CCDC102B: variants seen among roughly 807,000 people sequenced by gnomAD.
CCDC102B encodes coiled-coil domain-containing protein 102B.
In CCDC102B, 75 loss-of-function variants were observed where a neutral mutation model predicts 57.4. That is an observed-to-expected ratio of 1.31 (90% CI 1.08 to 1.58). The LOEUF (loss-of-function observed/expected upper bound fraction) is 1.58, where lower values mean the gene tolerates loss of function less well. Ranked by LOEUF, CCDC102B falls within the 40% of genes most tolerant of loss-of-function variation. The probability of loss-of-function intolerance (pLI) is 0.00; values close to 1 mark genes in which losing one functional copy is unlikely to be tolerated. For synonymous variants in CCDC102B, 206 were observed against 201.9 expected (o/e 1.02, Z -0.17); for missense variants, 636 against 582.6 (o/e 1.09, Z -0.94).
At chr18:69,003,637 AAAAC>A (rs1322540686) in intron 6 of CCDC102B, among the ~76,000 whole-genome samples, 4 of 152,206 alleles carry the variant, frequency 2.6e-5, no homozygotes, top group Non-Finnish European at 5.9e-5. Flanking sequence ...ATGAGCACAT[AAAAC>A]AGTCTCTTCT....
intron 1 of CCDC102B, among the ~76,000 whole-genome samples, chr18:68,831,642 A>C (rs562436440): frequency 6.6e-6 from 1 of 152,150 alleles, no homozygotes; most frequent in Admixed American, 6.5e-5. Context: ...ATTTGCACCA[A>C]CTAGCAGAGA....
chr18:69,009,651 T>C (rs892084427), intron 6 of CCDC102B, among the ~76,000 whole-genome samples: 2 of 152,038 alleles, frequency 1.3e-5, no homozygotes, highest in African/African-American at 4.8e-5. Flanking sequence ...TTTCCAATAT[T>C]TTATGGCTAT....
At chr18:68,953,642 T>G (rs1046769044) in intron 6 of CCDC102B, among the ~76,000 whole-genome samples, 1 of 152,086 alleles carries the variant, frequency 6.6e-6, no homozygotes, top group Non-Finnish European at 1.5e-5. Flanking sequence ...AGATAAATAA[T>G]TTCTAGATAT....
In CCDC102B at chr18:68,822,272, T is replaced by C. The variant is rs371179445; in HGVS notation, c.-15-14477T>C. ...AGCTGGTCACAGTGGGGCACGCCTG[T>C]AGTCCCAGGTACTCAGGATGCTGAA... On this transcript the variant is annotated intron_variant, in intron 1 of 7. Coordinates refer to ENST00000360242, the MANE Select transcript of CCDC102B (RefSeq NM_024781.3). Among the ~76,000 whole-genome samples the C allele has an allele frequency of 5.3e-5, 8 of 151,996 alleles. No homozygotes were observed. The East Asian group carries it at 1.2e-3, about 22-fold the overall frequency.
intron 7 of CCDC102B, among the ~76,000 whole-genome samples, chr18:69,017,051 T>A (rs1052006783): frequency 6.6e-6 from 1 of 150,724 alleles, no homozygotes; most frequent in African/African-American, 2.4e-5. Flanking sequence ...TAATCTCTCA[T>A]CTTTCTGTGT....
chr18:68,881,822 G>T (rs536863270), intron 5 of CCDC102B, among the ~76,000 whole-genome samples: 6 of 151,702 alleles, frequency 4.0e-5, no homozygotes, highest in African/African-American at 1.5e-4. Context: ...TAAACCTCAC[G>T]CCCTTGACCA....
intron 2 of CCDC102B, chr18:68,838,317 ATGT>A: frequency 1.3e-6 from 1 of 749,330 alleles, no homozygotes; most frequent in Non-Finnish European, 1.6e-6. Flanking sequence ...TCTTTCAAAA[ATGT>A]TAAAAAATGA....
chr18:68,947,435 A>T (rs2049571995), intron 6 of CCDC102B, among the ~76,000 whole-genome samples: 1 of 152,118 alleles, frequency 6.6e-6, no homozygotes, highest in Admixed American at 6.6e-5. Context: ...GGAAGTTTCT[A>T]GTTCAAACCT....
chr18:68,781,513 G>T lies in CCDC102B; in HGVS notation c.-66-41853G>T, dbSNP rs1193229200. 2.6e-5 allele frequency among the ~76,000 whole-genome samples: 4 copies of T among 152,098 alleles called. No individual in the cohort carries two copies. In the East Asian group the frequency reaches 7.7e-4, roughly 29 times the overall value. ...AGATGTGAAGAGAGTTTCCAAGTGG[G>T]CAGGTATCCAGGCTGTCCTCCAAGA... On this transcript the variant is annotated intron_variant, in intron 2 of 3. Transcript: ENST00000578970.
intron 6 of CCDC102B, among the ~76,000 whole-genome samples, chr18:68,992,149 T>C (rs867669467): frequency 6.6e-6 from 1 of 152,150 alleles, no homozygotes; most frequent in South Asian, 2.1e-4. Context: ...AATCACTACG[T>C]AGGGACATTT....
chr18:68,990,410 G>T (rs6566402), intron 6 of CCDC102B, among the ~76,000 whole-genome samples: 97 of 152,186 alleles, frequency 6.4e-4, no homozygotes, highest in African/African-American at 2.3e-3. Context: ...TCTGTTTATC[G>T]TGACTTCTTG....
chr18:68,734,532 A>C (rs1365688060), intron 2 of CCDC102B, among the ~76,000 whole-genome samples: 2 of 152,218 alleles, frequency 1.3e-5, no homozygotes, highest in Non-Finnish European at 2.9e-5. Flanking sequence ...CACAAATACC[A>C]AAGATTTTAT....
chr18:68,865,616 C>T lies in CCDC102B; in HGVS notation c.937-9053C>T, dbSNP rs115727510. Among the ~76,000 whole-genome samples, 461 of 152,190 alleles carry T rather than the reference C, an allele frequency of 3.0e-3. 3 individuals carry two copies. Among genetic ancestry groups the T allele is most frequent in the African/African-American group, 0.011 (438 of 41,540 alleles). ...TTCCTCTCCTATATTACCTTCCATC[C>T]GCTTTTCAAATGAAGGGCATACTCG... On this transcript the variant is annotated intron_variant, in intron 4 of 7. Transcript: ENST00000360242.
At chr18:68,718,265 T>A (rs1375105513) in intron 2 of CCDC102B, 1 of 152,214 alleles carries the variant, frequency 6.6e-6, no homozygotes, top group Non-Finnish European at 1.5e-5. Flanking sequence ...ACAACTCGAA[T>A]GTCTAATAGT....
At chr18:68,780,495 A>C (rs2034972191) in intron 2 of CCDC102B, among the ~76,000 whole-genome samples, 1 of 151,822 alleles carries the variant, frequency 6.6e-6, no homozygotes, top group African/African-American at 2.4e-5. Context: ...GCTTCCATAA[A>C]AGTTTATTCA....
chr18:68,794,042 T>C (rs2035550797), upstream of CCDC102B, among the ~76,000 whole-genome samples: 1 of 152,160 alleles, frequency 6.6e-6, no homozygotes, highest in Non-Finnish European at 1.5e-5. Context: ...CTAGATACTA[T>C]TACAATTTTC....
At chr18:68,871,612 A>ATTTTATT (rs2144920416) in intron 4 of CCDC102B, among the ~76,000 whole-genome samples, 1 of 152,136 alleles carries the variant, frequency 6.6e-6, no homozygotes, top group African/African-American at 2.4e-5. Flanking sequence ...TAGTTGTATA[A>ATTTTATT]TATTTTATTT....
intron 1 of CCDC102B, among the ~76,000 whole-genome samples, chr18:68,801,160 G>GCA (rs2035837377): frequency 6.6e-6 from 1 of 152,104 alleles, no homozygotes; most frequent in African/African-American, 2.4e-5. Context: ...TAGTTGAAAT[G>GCA]CAAAGATTTG....
intron 2 of CCDC102B, among the ~76,000 whole-genome samples, chr18:68,723,138 A>C (rs1029591383): frequency 6.6e-6 from 1 of 152,112 alleles, no homozygotes; most frequent in African/African-American, 2.4e-5. Context: ...GCAAGGTGGA[A>C]AGCCCCTTTT....
Sources: gnomAD v4.1 joint callset for allele counts (sites outside exome capture counted in the v4.1 genomes callset) on GRCh38, gnomAD v4.1.1 for gene constraint, MANE v1.5 for transcripts, NCBI Gene and HGNC (gene_info 2026-07-23, HGNC 2026-07-21) for gene names.